The following ERICH1 variants were observed in gnomAD, a reference collection of about 807,000 sequenced individuals.
The protein encoded by ERICH1 is glutamate-rich protein 1.
In ERICH1, 56 loss-of-function variants were observed where a neutral mutation model predicts 39.6. The ratio of observed to expected loss-of-function variants is 1.41; its 90% CI spans 1.14 to 1.77. The LOEUF (loss-of-function observed/expected upper bound fraction) is 1.77, where lower values mean the gene tolerates loss of function less well. ERICH1 is among the 40% of genes most tolerant of loss of function. The probability of loss-of-function intolerance (pLI) is 0.00; values close to 1 mark genes in which losing one functional copy is unlikely to be tolerated. For synonymous variants in ERICH1, 313 were observed against 223.6 expected (o/e 1.40, Z -3.57); for missense variants, 826 against 575.4 (o/e 1.44, Z -4.45).
chr8:693,326 T>C (rs1288266978), intron 2 of ERICH1, among the ~76,000 whole-genome samples: 1 of 152,238 alleles, frequency 6.6e-6, no homozygotes, highest in African/African-American at 2.4e-5. Context: ...AAGTTATACA[T>C]TTGTATCTTA....
In ERICH1 at chr8:651,718, G is replaced by A. The variant is rs1244211757; in HGVS notation, c.976+16880C>T. Reference sequence around the variant, plus strand: ...GGGGAGAGAGAGGCTGAGACGGAGTGGGAGGGGGGAGAAGACTGAGGGGAG... The same window carrying A: ...GGGGAGAGAGAGGCTGAGACGGAGTAGGAGGGGGGAGAAGACTGAGGGGAG... On this transcript the variant is annotated intron_variant, in intron 3 of 3. Transcript: ENST00000522706. 2.8e-5 allele frequency among the ~76,000 whole-genome samples: 4 copies of A among 141,588 alleles called. No homozygotes were observed. The East Asian group carries it at 7.9e-4, about 28-fold the overall frequency. The allele number at this position is 141,588 out of a possible 152,430, so 92.9% of individuals were successfully genotyped here. A position where few individuals can be genotyped will look rare whatever the true frequency, so the allele number is the denominator to read the frequency against.
downstream of ERICH1, among the ~76,000 whole-genome samples, chr8:662,329 T>C (rs1316295118): frequency 1.3e-5 from 2 of 152,260 alleles, no homozygotes; most frequent in African/African-American, 4.8e-5. Context: ...TTTATTTTCA[T>C]ATTTGCAAAG....
chr8:616,902 C>CAGAGAGAG lies in ERICH1; in HGVS notation c.977-1626_977-1619dup, dbSNP rs1185106556. ...AGGGAGACAGAGACACACACACACA[C>CAGAGAGAG]AGAGAGAGAGAGAGAGACAGAAAGA... is the stretch of plus-strand genomic sequence containing the variant. On this transcript the variant is annotated intron_variant, in intron 3 of 3. Transcript: ENST00000522706. Among the ~76,000 whole-genome samples, 66 of 16,176 alleles carry CAGAGAGAG rather than the reference C, an allele frequency of 4.1e-3. 10 individuals carry two copies. The African/African-American group carries it at 0.045, about 11-fold the overall frequency. 10.6% of individuals were successfully genotyped at this position (16,176 alleles called of 152,430 possible).
intron 3 of ERICH1, chr8:616,341 G>A (rs772443307): frequency 2.9e-6 from 1 of 342,700 alleles, no homozygotes; most frequent in Non-Finnish European, 5.8e-6. Flanking sequence ...GAAAGTTGCT[G>A]AAGACAGGCT....
downstream of ERICH1, among the ~76,000 whole-genome samples, chr8:659,989 C>G (rs1374476009): frequency 6.6e-6 from 1 of 152,256 alleles, no homozygotes; most frequent in Non-Finnish European, 1.5e-5. Context: ...ATCCTGGCCT[C>G]AAGCCCCCCA....
chr8:624,383 C>A (rs368552463), intron 3 of ERICH1, among the ~76,000 whole-genome samples: 4 of 152,224 alleles, frequency 2.6e-5, no homozygotes, highest in South Asian at 4.1e-4. Flanking sequence ...AACACAGAGT[C>A]ACCACACGAA....
intron 3 of ERICH1, among the ~76,000 whole-genome samples, chr8:632,193 G>A (rs185716611): frequency 1.5e-4 from 23 of 152,288 alleles, no homozygotes; most frequent in Admixed American, 1.0e-3. Flanking sequence ...TTTTGATGTT[G>A]TAGTGATTTG....
chr8:719,251 T>C (rs1050918353), intron 1 of ERICH1, among the ~76,000 whole-genome samples: 1 of 152,126 alleles, frequency 6.6e-6, no homozygotes, highest in Non-Finnish European at 1.5e-5. Flanking sequence ...AACAGCGGGC[T>C]CCCACATCGA....
intron 3 of ERICH1, among the ~76,000 whole-genome samples, chr8:686,206 T>C (rs1807326636): frequency 6.6e-6 from 1 of 152,150 alleles, no homozygotes; most frequent in Non-Finnish European, 1.5e-5. Context: ...AGATACTCTT[T>C]AACTTCAATT....
At chr8:652,620 G>A (rs1008566705) in intron 3 of ERICH1, among the ~76,000 whole-genome samples, 2 of 152,196 alleles carry the variant, frequency 1.3e-5, no homozygotes, top group Non-Finnish European at 2.9e-5. Flanking sequence ...TGGTGTAGTT[G>A]TCTTAGGCAT....
chr8:676,472 TCGGC>T lies in ERICH1; in HGVS notation c.305-2429_305-2426del, dbSNP rs1270399744. On this transcript the variant is annotated intron_variant, in intron 3 of 5. Transcript: ENST00000262109. ...GCGAGGACAGAGACGCGGCGGCCCC[TCGGC>T]GAGGACAGAGACGCGGCGGCCCCTC... 2.5e-3 allele frequency among the ~76,000 whole-genome samples: 157 copies of T among 63,328 alleles called. 31 individuals carry two copies. The highest frequency in any genetic ancestry group is 3.9e-3 in the Admixed American group (25 of 6,370). 41.5% of individuals were successfully genotyped at this position (63,328 alleles called of 152,430 possible). A position where few individuals can be genotyped will look rare whatever the true frequency, so the allele number is the denominator to read the frequency against.
At chr8:693,434 G>C (rs1310591063) in intron 2 of ERICH1, among the ~76,000 whole-genome samples, 3 of 152,250 alleles carry the variant, frequency 2.0e-5, no homozygotes, top group Admixed American at 6.5e-5. Flanking sequence ...CCATGCGATG[G>C]AATTATAACC....
intron 4 of ERICH1, among the ~76,000 whole-genome samples, chr8:669,851 T>C (rs1477932802): frequency 6.6e-6 from 1 of 152,250 alleles, no homozygotes; most frequent in East Asian, 1.9e-4. Context: ...ATGACTGCAA[T>C]TCACTTGCCT....
chr8:698,685 G>C (rs1480284825), intron 2 of ERICH1, among the ~76,000 whole-genome samples: 2 of 152,036 alleles, frequency 1.3e-5, no homozygotes, highest in African/African-American at 2.4e-5. Flanking sequence ...ATGCGATCAT[G>C]GCTCACTGTC....
At chr8:632,473 T>G (rs1395988107) in intron 3 of ERICH1, among the ~76,000 whole-genome samples, 1 of 152,214 alleles carries the variant, frequency 6.6e-6, no homozygotes, top group African/African-American at 2.4e-5. Context: ...GCTCTAAAAT[T>G]CAATGTTTTT....
At chr8:700,847 G>A (rs1811951299) in intron 2 of ERICH1, among the ~76,000 whole-genome samples, 1 of 152,322 alleles carries the variant, frequency 6.6e-6, no homozygotes, top group African/African-American at 2.4e-5. Context: ...GCAGATAAGA[G>A]GAAAAACTCT....
intron 1 of ERICH1, among the ~76,000 whole-genome samples, chr8:730,853 C>G (rs1253637847): frequency 1.3e-5 from 2 of 152,192 alleles, no homozygotes; most frequent in African/African-American, 4.8e-5. Context: ...GCTAAGAACA[C>G]GAATCCCTGG....
intron 1 of ERICH1, among the ~76,000 whole-genome samples, chr8:721,210 G>A (rs74884952): frequency 6.6e-6 from 1 of 152,018 alleles, no homozygotes; most frequent in Admixed American, 6.6e-5. Context: ...CAAATAATAT[G>A]TCTAAATATT....
Position 673,403 on chromosome 8 carries a change from A to C in ERICH1, c.949T>G (p.Ser317Ala), listed in dbSNP as rs1463078445. 1.9e-6 allele frequency: 3 copies of C among 1,610,042 alleles called. No individual in the cohort carries two copies. Among genetic ancestry groups the C allele is most frequent in the Non-Finnish European group, 2.5e-6 (3 of 1,178,854 alleles). The change falls in exon 4 of 6, where the codon TCC becomes GCC. Residue 317 changes from serine (S) to alanine (A), a missense_variant. Transcript: ENST00000262109. ...GCGTCTGCACCGTCCTCCTCCCCGG[A>C]GTCTGCACCCTCTTCCTCCCCAGCC... ...TWAGEEEGAD[S>A]GEEDGADASE...
Sources: allele counts gnomAD v4.1 joint callset (sites outside exome capture counted in the v4.1 genomes callset), GRCh38; gene constraint gnomAD v4.1.1; transcripts MANE v1.5; gene names NCBI Gene and HGNC (gene_info 2026-07-23, HGNC 2026-07-21).